GPC6: variants seen among roughly 807,000 people sequenced by gnomAD.
GPC6 encodes glypican 6.
Under a neutral mutation model 55.2 loss-of-function variants are expected in GPC6, and 14 were observed. The ratio of observed to expected loss-of-function variants is 0.25; its 90% CI spans 0.17 to 0.40. The LOEUF (loss-of-function observed/expected upper bound fraction) is 0.40, where lower values mean the gene tolerates loss of function less well. Among genes scored for constraint, GPC6 ranks in the 10% least tolerant of loss-of-function variants. The pLI is 1.00. For missense variants in GPC6, 641 were observed against 708.5 expected, an observed-to-expected ratio of 0.90 and a Z score of 1.08; for synonymous variants, 278 against 259.6, an observed-to-expected ratio of 1.07 and a Z score of -0.68.
chr13:94,280,320 C>A (rs1458444957), intron 4 of GPC6, among the ~76,000 whole-genome samples: 1 of 152,156 alleles, frequency 6.6e-6, no homozygotes, highest in Non-Finnish European at 1.5e-5. Flanking sequence ...CTGGGACCTT[C>A]TGCCTGGGTA....
In GPC6 at chr13:94,329,898, C is replaced by T. The variant is rs534984427; in HGVS notation, c.1152+23775C>T. On this transcript the variant is annotated intron_variant, in intron 6 of 8. Coordinates refer to ENST00000377047, the MANE Select transcript of GPC6 (RefSeq NM_005708.5). ...TTTTGAACCTCCCAAGAGGCAGAAA[C>T]GAAGCCAAATGTGATTACTCAGCCT... Among the ~76,000 whole-genome samples the T allele has an allele frequency of 1.0e-3, 152 of 152,244 alleles. 1 individual carries two copies. The highest frequency in any genetic ancestry group is 1.5e-3 in the Non-Finnish European group (103 of 68,010).
chr13:93,709,399 C>T (rs1035306973), intron 2 of GPC6, among the ~76,000 whole-genome samples: 1 of 151,688 alleles, frequency 6.6e-6, no homozygotes, highest in Non-Finnish European at 1.5e-5. Context: ...TTGGTAATAA[C>T]CTTACATATT....
At chr13:93,509,787 A>G (rs552307442) in intron 1 of GPC6, among the ~76,000 whole-genome samples, 7 of 152,308 alleles carry the variant, frequency 4.6e-5, no homozygotes, top group Admixed American at 1.3e-4. Flanking sequence ...AAAACTCTCA[A>G]ATATTCATGA....
chr13:93,977,155 T>C (rs973367630), intron 3 of GPC6, among the ~76,000 whole-genome samples: 1 of 152,152 alleles, frequency 6.6e-6, no homozygotes, highest in Non-Finnish European at 1.5e-5. Flanking sequence ...ATTCAGTTTT[T>C]AGCCTTTCCT....
intron 4 of GPC6, among the ~76,000 whole-genome samples, chr13:94,195,808 G>T (rs1889556384): frequency 6.6e-6 from 1 of 152,168 alleles, no homozygotes; most frequent in African/African-American, 2.4e-5. Flanking sequence ...ATGGGGAAGA[G>T]CCCATACCAA....
At chr13:93,367,091 C>G (rs1456331132) in intron 1 of GPC6, among the ~76,000 whole-genome samples, 1 of 151,990 alleles carries the variant, frequency 6.6e-6, no homozygotes, top group South Asian at 2.1e-4. Flanking sequence ...TTTATCATCA[C>G]CAAAAAACAT....
chr13:93,702,853 A>G (rs1385388122), intron 2 of GPC6, among the ~76,000 whole-genome samples: 4 of 151,956 alleles, frequency 2.6e-5, no homozygotes, highest in Non-Finnish European at 2.9e-5. Flanking sequence ...CTTTCTGTTG[A>G]TTAGGCTTTG....
intron 1 of GPC6, among the ~76,000 whole-genome samples, chr13:93,365,454 G>T (rs1173070185): frequency 2.0e-5 from 3 of 152,038 alleles, no homozygotes; most frequent in African/African-American, 7.2e-5. Flanking sequence ...CAATCACTTT[G>T]CCTTGTAGGG....
intron 2 of GPC6, among the ~76,000 whole-genome samples, chr13:93,741,215 C>G (rs78640347): frequency 6.9e-6 from 1 of 145,924 alleles, no homozygotes. Context: ...CCCAGGTTCA[C>G]GCCATTCTCC....
rs567479650 is a variant in GPC6, at chr13:94,231,515, A to G, written c.878-54834A>G. 2.6e-3 allele frequency among the ~76,000 whole-genome samples: 399 copies of G among 152,344 alleles called. 1 individual carries two copies. The highest frequency in any genetic ancestry group is 4.6e-3 in the South Asian group (22 of 4,824). ...TATAGAAAGGTTTTTGCCCACCAACAAGATACAAAGGGCAACTTAAAAGGC... is the reference window on the plus strand; with the variant it reads ...TATAGAAAGGTTTTTGCCCACCAACGAGATACAAAGGGCAACTTAAAAGGC... On this transcript the variant is annotated intron_variant, in intron 4 of 8. Coordinates refer to ENST00000377047, the MANE Select transcript of GPC6 (RefSeq NM_005708.5).
At chr13:93,947,823 T>C (rs1029048533) in intron 3 of GPC6, among the ~76,000 whole-genome samples, 3 of 152,166 alleles carry the variant, frequency 2.0e-5, no homozygotes, top group Admixed American at 6.5e-5. Flanking sequence ...ATAAATTCTT[T>C]TGAGAATTAG....
At chr13:94,369,921 C>T (rs1465386307) in intron 6 of GPC6, among the ~76,000 whole-genome samples, 2 of 152,164 alleles carry the variant, frequency 1.3e-5, no homozygotes, top group Non-Finnish European at 1.5e-5. Context: ...TGAAATCTTA[C>T]TTCCCTTAGC....
intron 6 of GPC6, among the ~76,000 whole-genome samples, chr13:94,365,562 G>A (rs2139186233): frequency 6.6e-6 from 1 of 152,164 alleles, no homozygotes; most frequent in South Asian, 2.1e-4. Context: ...ATATGCTTTT[G>A]GCTGCCTATT....
At chr13:93,519,355 A>G (rs892915095) in intron 1 of GPC6, among the ~76,000 whole-genome samples, 4 of 152,068 alleles carry the variant, frequency 2.6e-5, no homozygotes, top group Non-Finnish European at 5.9e-5. Flanking sequence ...ACACACACAT[A>G]CACACACATT....
intron 1 of GPC6, among the ~76,000 whole-genome samples, chr13:93,421,468 T>A (rs1160122627): frequency 2.6e-5 from 4 of 152,190 alleles, no homozygotes; most frequent in Non-Finnish European, 5.9e-5. Context: ...GCTCACTACT[T>A]TACTAAATTC....
intron 1 of GPC6, among the ~76,000 whole-genome samples, chr13:93,456,794 T>C (rs1240461001): frequency 6.6e-6 from 1 of 152,110 alleles, no homozygotes; most frequent in African/African-American, 2.4e-5. Flanking sequence ...TTGTGGGCAA[T>C]TTCTGGTGTT....
At chr13:94,035,550 C>T (rs1335151556) in intron 4 of GPC6, among the ~76,000 whole-genome samples, 1 of 152,046 alleles carries the variant, frequency 6.6e-6, no homozygotes, top group Admixed American at 6.6e-5. Flanking sequence ...CCACCATAAC[C>T]AGAGTCCTTC....
chr13:94,292,202 G>A (rs1435541790), intron 5 of GPC6, among the ~76,000 whole-genome samples: 4 of 152,100 alleles, frequency 2.6e-5, no homozygotes, highest in South Asian at 2.1e-4. Flanking sequence ...AAGGTCTCAC[G>A]GTGCAAAGGG....
intron 4 of GPC6, among the ~76,000 whole-genome samples, chr13:94,133,066 T>C (rs1024336401): frequency 6.6e-6 from 1 of 152,108 alleles, no homozygotes; most frequent in Non-Finnish European, 1.5e-5. Flanking sequence ...TCCTATGGAA[T>C]GTTGATTCTC....
Sources: allele counts gnomAD v4.1 joint callset (sites outside exome capture counted in the v4.1 genomes callset), GRCh38; gene constraint gnomAD v4.1.1; transcripts MANE v1.5; gene names NCBI Gene and HGNC (gene_info 2026-07-23, HGNC 2026-07-21).